FNIP1: variants seen among roughly 807,000 people sequenced by gnomAD.
The protein encoded by FNIP1 is folliculin interacting protein 1.
In FNIP1, 40 loss-of-function variants were observed where a neutral mutation model predicts 124.5. The ratio of observed to expected loss-of-function variants is 0.32; its 90% CI spans 0.25 to 0.42. The LOEUF (loss-of-function observed/expected upper bound fraction) is 0.42. Ranked by LOEUF, FNIP1 falls within the 10% of genes least tolerant of loss-of-function variation. FNIP1 has a pLI of 1.00. For synonymous variants in FNIP1, 472 were observed against 470.6 expected (o/e 1.00, Z -0.04); for missense variants, 1,176 against 1,403.7 (o/e 0.84, Z 2.59).
At chr5:131,688,514 A>C (rs1768361556) in intron 11 of FNIP1, among the ~76,000 whole-genome samples, 2 of 151,810 alleles carry the variant, frequency 1.3e-5, no homozygotes, top group South Asian at 2.1e-4. Context: ...CATCAGAATC[A>C]AACTCAAATT....
chr5:131,779,503 C>T (rs1200894663), intron 1 of FNIP1, among the ~76,000 whole-genome samples: 3 of 150,604 alleles, frequency 2.0e-5, no homozygotes, highest in Admixed American at 6.6e-5. Flanking sequence ...CATGGTGAAA[C>T]CCCACTTCTA....
intron 11 of FNIP1, among the ~76,000 whole-genome samples, chr5:131,682,223 G>GT (rs1392325429): frequency 3.4e-4 from 52 of 152,258 alleles, no homozygotes; most frequent in African/African-American, 1.2e-3. Flanking sequence ...AAGTCCATGT[G>GT]TCATTGCACA....
At chr5:131,758,818 T>G (rs1283571507) in intron 1 of FNIP1, among the ~76,000 whole-genome samples, 1 of 152,064 alleles carries the variant, frequency 6.6e-6, no homozygotes. Context: ...AAAATAGGAC[T>G]AAGCCATGCA....
intron 16 of FNIP1, among the ~76,000 whole-genome samples, chr5:131,648,747 C>G (rs2149502500): frequency 6.6e-6 from 1 of 152,278 alleles, no homozygotes; most frequent in East Asian, 1.9e-4. Flanking sequence ...ATTTTATCAT[C>G]TCAAAAACTC....
At chr5:131,740,830 G>A (rs1270325998) in intron 2 of FNIP1, among the ~76,000 whole-genome samples, 4 of 152,094 alleles carry the variant, frequency 2.6e-5, no homozygotes, top group Non-Finnish European at 5.9e-5. Context: ...CCTTGATGAT[G>A]AAAAAGCCTG....
intron 1 of FNIP1, among the ~76,000 whole-genome samples, chr5:131,746,338 T>G (rs1163330755): frequency 6.6e-6 from 1 of 152,176 alleles, no homozygotes; most frequent in African/African-American, 2.4e-5. Context: ...TATCTCATGA[T>G]GCTGAGGTTT....
At chr5:131,691,814 A>T (rs575278698) in intron 11 of FNIP1, among the ~76,000 whole-genome samples, 109 of 152,340 alleles carry the variant, frequency 7.2e-4, no homozygotes, top group African/African-American at 2.4e-3. Flanking sequence ...TAAAAAATTG[A>T]ATCAATAATT....
chr5:131,724,402 C>T (rs887329192), intron 3 of FNIP1, among the ~76,000 whole-genome samples: 1 of 152,196 alleles, frequency 6.6e-6, no homozygotes, highest in Non-Finnish European at 1.5e-5. Context: ...GACTGCCATT[C>T]TAACTGGCTT....
intron 1 of FNIP1, among the ~76,000 whole-genome samples, chr5:131,759,020 T>A (rs959212863): frequency 1.3e-5 from 2 of 152,182 alleles, no homozygotes; most frequent in East Asian, 3.9e-4. Context: ...AGGGTGTTAA[T>A]CCCTATTAAA....
chr5:131,728,957 T>C (rs1016793622), intron 3 of FNIP1, among the ~76,000 whole-genome samples: 2 of 152,184 alleles, frequency 1.3e-5, no homozygotes, highest in Non-Finnish European at 2.9e-5. Flanking sequence ...GCAGGTCTGC[T>C]GGTGTTTGCT....
chr5:131,780,553 C>T (rs1300716685), intron 1 of FNIP1, among the ~76,000 whole-genome samples: 1 of 151,868 alleles, frequency 6.6e-6, no homozygotes, highest in Admixed American at 6.6e-5. Context: ...ACAGAACATG[C>T]CACTTTTTGT....
chr5:131,653,207 C>G (rs542276452), intron 15 of FNIP1, among the ~76,000 whole-genome samples: 2 of 152,016 alleles, frequency 1.3e-5, no homozygotes, highest in East Asian at 3.9e-4. Flanking sequence ...TCAAAATATA[C>G]TAACAGGGTT....
intron 1 of FNIP1, among the ~76,000 whole-genome samples, chr5:131,785,059 C>CATATATATGATATATATGACAT (rs1407571218): frequency 3.6e-4 from 4 of 10,988 alleles, no homozygotes; most frequent in South Asian, 5.3e-3. Flanking sequence ...CTATATATAT[C>CATATATATGATATATATGACAT]ATATATATGA....
At chr5:131,650,331 T>C (rs904185723) in intron 16 of FNIP1, among the ~76,000 whole-genome samples, 1 of 152,332 alleles carries the variant, frequency 6.6e-6, no homozygotes, top group African/African-American at 2.4e-5. Context: ...AGGGAGTCTT[T>C]TGTCTCCCTA....
intron 1 of FNIP1, among the ~76,000 whole-genome samples, chr5:131,751,312 G>C (rs1270249585): frequency 2.0e-5 from 3 of 151,982 alleles, no homozygotes; most frequent in African/African-American, 4.8e-5. Context: ...ATTCCTCCAA[G>C]CAGAGTTAGC....
chr5:131,786,815 G>A (rs1399476927), intron 1 of FNIP1, among the ~76,000 whole-genome samples: 4 of 152,140 alleles, frequency 2.6e-5, no homozygotes, highest in African/African-American at 9.7e-5. Flanking sequence ...CCAGCACCAT[G>A]CTCTCAGACT....
rs150770637 is a variant in FNIP1, at chr5:131,725,987, G to A, written c.354+4917C>T. ...TTGTCATTGGTTCTGTTCATGTGAT[G>A]GATTACATTTATTGATTTGCATATG... On this transcript the variant is annotated intron_variant, in intron 3 of 17. Coordinates refer to ENST00000510461, the MANE Select transcript of FNIP1 (RefSeq NM_133372.3). Among the ~76,000 whole-genome samples the A allele has an allele frequency of 5.2e-3, 789 of 152,256 alleles. 4 individuals carry two copies. The highest frequency in any genetic ancestry group is 0.017 in the African/African-American group (724 of 41,546).
intron 6 of FNIP1, 45 bp downstream of exon 6, chr5:131,716,520 C>G: frequency 1.6e-6 from 2 of 1,290,240 alleles, no homozygotes; most frequent in Non-Finnish European, 2.2e-6. Flanking sequence ...CACTTGTTAC[C>G]CTGCTAGTAT....
chr5:131,748,730 T>C (rs1410463448), intron 1 of FNIP1, among the ~76,000 whole-genome samples: 2 of 149,782 alleles, frequency 1.3e-5, no homozygotes, highest in African/African-American at 4.9e-5. Context: ...AAAAAGACTA[T>C]GTTACTGGTT....
Sources: gnomAD v4.1 joint callset for allele counts (sites outside exome capture counted in the v4.1 genomes callset) on GRCh38, gnomAD v4.1.1 for gene constraint, MANE v1.5 for transcripts, NCBI Gene and HGNC (gene_info 2026-07-23, HGNC 2026-07-21) for gene names.